The following GPC6 variants were observed in gnomAD, a reference collection of about 807,000 sequenced individuals.
GPC6 encodes glypican-6.
Under a neutral mutation model 55.2 loss-of-function variants are expected in GPC6, and 14 were observed. The observed-to-expected ratio is 0.25, with a 90% CI of 0.17 to 0.40. The LOEUF (loss-of-function observed/expected upper bound fraction) is 0.40, where lower values mean the gene tolerates loss of function less well. Ranked by LOEUF, GPC6 falls within the 10% of genes least tolerant of loss-of-function variation. The probability of loss-of-function intolerance (pLI) is 1.00; values close to 1 mark genes in which losing one functional copy is unlikely to be tolerated. For synonymous variants in GPC6, 278 were observed against 259.6 expected, an observed-to-expected ratio of 1.07 and a Z score of -0.68; for missense variants, 641 against 708.5, an observed-to-expected ratio of 0.90 and a Z score of 1.08.
At chr13:93,266,740 T>A (rs1181695932) in intron 1 of GPC6, among the ~76,000 whole-genome samples, 1 of 152,186 alleles carries the variant, frequency 6.6e-6, no homozygotes, top group Non-Finnish European at 1.5e-5. Context: ...AATAACTTGA[T>A]CAGAATTTAA....
At position 94,398,749 on chromosome 13, in the gene GPC6, T is replaced by A. The variant is rs1193561633; in HGVS notation, c.1465+108T>A. 4.6e-6 allele frequency: 4 copies of A among 874,440 alleles called. No homozygotes were observed. In the East Asian group the frequency reaches 1.0e-4, roughly 23 times the overall value. The allele number at this position is 874,440 out of a possible 1,614,324, so 54.2% of individuals were successfully genotyped here. ...AATATGCCCTTTTAATTTATTCTCA[T>A]TCTTCCTCAGGCTGTGATTCTTGTT... On this transcript the variant is annotated intron_variant, in intron 8 of 8. Coordinates refer to ENST00000377047, the MANE Select transcript of GPC6 (RefSeq NM_005708.5).
At chr13:93,565,580 CTTT>C (rs1358886152) in intron 2 of GPC6, among the ~76,000 whole-genome samples, 1 of 152,076 alleles carries the variant, frequency 6.6e-6, no homozygotes, top group East Asian at 1.9e-4. Flanking sequence ...GTTGATATTT[CTTT>C]TTATCTAAGG....
chr13:93,377,492 T>C (rs1874958648), intron 1 of GPC6, among the ~76,000 whole-genome samples: 1 of 152,180 alleles, frequency 6.6e-6, no homozygotes. Context: ...AGGGTGAGCC[T>C]GACTTAAAGG....
chr13:93,563,723 T>C (rs1405378955), intron 2 of GPC6, among the ~76,000 whole-genome samples: 1 of 148,946 alleles, frequency 6.7e-6, no homozygotes, highest in Non-Finnish European at 1.5e-5. Context: ...GTCTGGAGCC[T>C]GGGCAGTACC....
intron 4 of GPC6, among the ~76,000 whole-genome samples, chr13:94,276,117 A>G (rs1289139127): frequency 2.6e-5 from 4 of 152,246 alleles, no homozygotes; most frequent in African/African-American, 9.6e-5. Flanking sequence ...GGGTTGAATT[A>G]TGTACAAGGG....
chr13:94,151,107 C>A (rs983735964), intron 4 of GPC6, among the ~76,000 whole-genome samples: 6 of 151,838 alleles, frequency 4.0e-5, no homozygotes, highest in African/African-American at 1.5e-4. Context: ...AAGTCAGACA[C>A]CAAGATAAAG....
intron 2 of GPC6, among the ~76,000 whole-genome samples, chr13:93,770,105 C>A (rs1398055955): frequency 6.6e-6 from 1 of 152,146 alleles, no homozygotes; most frequent in African/African-American, 2.4e-5. Flanking sequence ...GTGCATGCAT[C>A]TGTCTGCTTT....
At chr13:94,008,988 C>T (rs1882133514) in intron 3 of GPC6, among the ~76,000 whole-genome samples, 1 of 152,172 alleles carries the variant, frequency 6.6e-6, no homozygotes, top group East Asian at 1.9e-4. Context: ...AATTAATTTT[C>T]TGTTTAATTT....
At chr13:93,780,142 A>G (rs947670111) in intron 2 of GPC6, among the ~76,000 whole-genome samples, 2 of 152,198 alleles carry the variant, frequency 1.3e-5, no homozygotes, top group African/African-American at 2.4e-5. Context: ...GGATGAAAAC[A>G]AATATGGATT....
chr13:94,402,758 C>T (rs903350983), intron 8 of GPC6, among the ~76,000 whole-genome samples: 3 of 152,164 alleles, frequency 2.0e-5, no homozygotes, highest in African/African-American at 7.2e-5. Context: ...AGACCTTCTT[C>T]ACAAGGTGAC....
intron 3 of GPC6, among the ~76,000 whole-genome samples, chr13:93,899,202 C>A (rs1323654421): frequency 6.6e-6 from 1 of 151,802 alleles, no homozygotes; most frequent in Admixed American, 6.6e-5. Flanking sequence ...TAAATATTCA[C>A]TGTGTTTAGT....
chr13:93,264,490 G>A (rs1373302684), intron 1 of GPC6, among the ~76,000 whole-genome samples: 2 of 152,108 alleles, frequency 1.3e-5, no homozygotes, highest in African/African-American at 4.8e-5. Flanking sequence ...GCTCCCTGCA[G>A]CCTCTAATTC....
chr13:94,072,334 A>T (rs568375309), intron 4 of GPC6, among the ~76,000 whole-genome samples: 64 of 152,196 alleles, frequency 4.2e-4, no homozygotes, highest in Non-Finnish European at 9.1e-4. Context: ...TGGCATGATA[A>T]AGCCCCTTGT....
intron 3 of GPC6, among the ~76,000 whole-genome samples, chr13:94,014,408 G>A (rs1183490772): frequency 6.6e-6 from 1 of 152,140 alleles, no homozygotes; most frequent in Non-Finnish European, 1.5e-5. Context: ...CCTCTCGTTA[G>A]GGTTAAGCAA....
intron 3 of GPC6, among the ~76,000 whole-genome samples, chr13:93,891,415 C>A (rs1875674406): frequency 1.3e-5 from 2 of 152,048 alleles, no homozygotes; most frequent in African/African-American, 4.8e-5. Flanking sequence ...GGCTGTTAGA[C>A]CTTGGCCATG....
At chr13:93,619,540 A>T (rs565248160) in intron 2 of GPC6, among the ~76,000 whole-genome samples, 4 of 151,994 alleles carry the variant, frequency 2.6e-5, no homozygotes. Context: ...GTAACCTTCA[A>T]CTCTGGACTC....
chr13:93,382,831 A>G (rs549331079), intron 1 of GPC6, among the ~76,000 whole-genome samples: 1 of 152,264 alleles, frequency 6.6e-6, no homozygotes, highest in South Asian at 2.1e-4. Flanking sequence ...CCTTTTCAAC[A>G]CTTTATACAT....
At chr13:94,254,290 CT>C (rs570552340) in intron 4 of GPC6, among the ~76,000 whole-genome samples, 200 of 152,186 alleles carry the variant, frequency 1.3e-3, no homozygotes, top group Non-Finnish European at 2.2e-3. Flanking sequence ...TAAGTAAGGA[CT>C]TTATGAAGTT....
At chr13:93,750,726 C>G (rs1241054884) in intron 2 of GPC6, among the ~76,000 whole-genome samples, 1 of 152,186 alleles carries the variant, frequency 6.6e-6, no homozygotes, top group Non-Finnish European at 1.5e-5. Flanking sequence ...ACCAACTAAC[C>G]ACTTCAGTCA....
Sources: gnomAD v4.1 joint callset for allele counts (sites outside exome capture counted in the v4.1 genomes callset) on GRCh38, gnomAD v4.1.1 for gene constraint, MANE v1.5 for transcripts, NCBI Gene and HGNC (gene_info 2026-07-23, HGNC 2026-07-21) for gene names.